The following MTUS1 variants were observed in gnomAD, a reference collection of about 807,000 sequenced individuals.
MTUS1 encodes microtubule associated scaffold protein 1, also known as microtubule-associated tumor suppressor 1.
In MTUS1, 109 loss-of-function variants were observed where a neutral mutation model predicts 120.8. The observed-to-expected ratio is 0.90, with a 90% confidence interval of 0.77 to 1.06. The LOEUF is 1.06. MTUS1 is among the 50% of genes least tolerant of loss of function. The probability of loss-of-function intolerance (pLI) is 0.00; values close to 1 mark genes in which losing one functional copy is unlikely to be tolerated. For missense variants in MTUS1, 2,210 were observed against 1,486.3 expected (o/e 1.49, Z -8.01); for synonymous variants, 737 against 550.5 (o/e 1.34, Z -4.74).
intron 3 of MTUS1, among the ~76,000 whole-genome samples, chr8:17,724,468 G>C (rs2046077931): frequency 6.6e-6 from 1 of 151,968 alleles, no homozygotes; most frequent in South Asian, 2.1e-4. Context: ...TCTAACACCA[G>C]GTGGTGCTAT....
intron 7 of MTUS1, among the ~76,000 whole-genome samples, chr8:17,679,277 A>G (rs1813773258): frequency 6.6e-6 from 1 of 152,068 alleles, no homozygotes; most frequent in South Asian, 2.1e-4. Flanking sequence ...TATATCATGT[A>G]TATAAAAAAC....
intron 8 of MTUS1, among the ~76,000 whole-genome samples, chr8:17,656,922 G>A (rs1808400395): frequency 1.3e-5 from 2 of 151,670 alleles, no homozygotes; most frequent in Admixed American, 6.6e-5. Flanking sequence ...AGCCGGGTGT[G>A]GTGGTGGGCG....
At chr8:17,752,060 A>G (rs556679352) in intron 2 of MTUS1, among the ~76,000 whole-genome samples, 1 of 152,258 alleles carries the variant, frequency 6.6e-6, no homozygotes, top group East Asian at 1.9e-4. Context: ...TTTCAACCTG[A>G]TGATTCTATC....
intron 4 of MTUS1, among the ~76,000 whole-genome samples, chr8:17,716,314 T>C (rs779522128): frequency 6.6e-6 from 1 of 152,144 alleles, no homozygotes; most frequent in Non-Finnish European, 1.5e-5. Context: ...AACAGTAACA[T>C]ACAGACTCCT....
chr8:17,675,136 G>C (rs1184450638), intron 8 of MTUS1, 50 bp downstream of exon 8: 2 of 1,608,478 alleles, frequency 1.2e-6, no homozygotes, highest in African/African-American at 2.7e-5. Flanking sequence ...ACATTTTCCA[G>C]TGTTCCCCTT....
At chr8:17,684,164 C>T (rs1418314875) in intron 7 of MTUS1, among the ~76,000 whole-genome samples, 164 bp downstream of exon 7, 1 of 152,132 alleles carries the variant, frequency 6.6e-6, no homozygotes, top group African/African-American at 2.4e-5. Context: ...TTGCTAGAGA[C>T]CGACTCAAGT....
At chr8:17,732,151 G>A (rs1039882370) in intron 3 of MTUS1, among the ~76,000 whole-genome samples, 2 of 152,260 alleles carry the variant, frequency 1.3e-5, no homozygotes, top group Middle Eastern at 3.4e-3. Flanking sequence ...TATTTTAACT[G>A]AAAAGCCAAT....
At chr8:17,736,880 T>TGGC (rs1211332896) in intron 3 of MTUS1, among the ~76,000 whole-genome samples, 2 of 152,126 alleles carry the variant, frequency 1.3e-5, no homozygotes, top group Non-Finnish European at 2.9e-5. Context: ...CCACCATGTT[T>TGGC]GGCTCTTTCT....
At chr8:17,681,715 A>G (rs1160611464) in intron 7 of MTUS1, 1 of 154,768 alleles carries the variant, frequency 6.5e-6, no homozygotes, top group African/African-American at 2.4e-5. Flanking sequence ...GCATCTGGGC[A>G]TGATAATAAC....
chr8:17,759,337 T>G (rs898759695), intron 1 of MTUS1, among the ~76,000 whole-genome samples: 50 of 150,010 alleles, frequency 3.3e-4, no homozygotes, highest in African/African-American at 1.2e-3. Flanking sequence ...GATTACAGCT[T>G]ACTGCAGCCT....
chr8:17,666,014 C>T (rs1164714483), intron 8 of MTUS1, among the ~76,000 whole-genome samples: 1 of 152,036 alleles, frequency 6.6e-6, no homozygotes, highest in Non-Finnish European at 1.5e-5. Flanking sequence ...CCTCCTCCCA[C>T]CCTTGAAGAG....
chr8:17,764,149 A>G (rs1312788012), intron 1 of MTUS1, among the ~76,000 whole-genome samples: 1 of 152,230 alleles, frequency 6.6e-6, no homozygotes, highest in African/African-American at 2.4e-5. Flanking sequence ...GAAGAGAACA[A>G]CAGTTAAGAA....
chr8:17,781,603 C>G (rs1422556583), intron 1 of MTUS1, among the ~76,000 whole-genome samples: 1 of 152,178 alleles, frequency 6.6e-6, no homozygotes, highest in East Asian at 1.9e-4. Context: ...TATTTACTTT[C>G]ATTTCTAAAA....
intron 8 of MTUS1, among the ~76,000 whole-genome samples, chr8:17,671,855 A>G (rs1356236638): frequency 6.6e-6 from 1 of 152,158 alleles, no homozygotes; most frequent in African/African-American, 2.4e-5. Context: ...TGACGGCGAT[A>G]GTGGCAGCTC....
chr8:17,657,557 G>A (rs1563148606), intron 8 of MTUS1, among the ~76,000 whole-genome samples: 1 of 148,478 alleles, frequency 6.7e-6, no homozygotes, highest in East Asian at 2.0e-4. Flanking sequence ...GACAGAGAGA[G>A]ACTCCGTCTC....
chr8:17,652,194 G>C (rs1010653706), intron 12 of MTUS1, among the ~76,000 whole-genome samples: 1 of 152,204 alleles, frequency 6.6e-6, no homozygotes, highest in South Asian at 2.1e-4. Context: ...AAAGACAAAG[G>C]TTGGGGTAAG....
At chr8:17,765,041 T>C (rs2049362094) in intron 1 of MTUS1, among the ~76,000 whole-genome samples, 1 of 152,230 alleles carries the variant, frequency 6.6e-6, no homozygotes, top group Non-Finnish European at 1.5e-5. Flanking sequence ...CAGTCCCATC[T>C]GGAAGTGATG....
At chr8:17,795,586 T>G (rs1460549492) in intron 1 of MTUS1, among the ~76,000 whole-genome samples, 2 of 151,304 alleles carry the variant, frequency 1.3e-5, no homozygotes, top group Non-Finnish European at 2.9e-5. Context: ...AGAATGAGGG[T>G]AAAATGTGTG....
At chr8:17,745,767 G>C (rs577018945) in intron 2 of MTUS1, among the ~76,000 whole-genome samples, 2 of 152,226 alleles carry the variant, frequency 1.3e-5, no homozygotes, top group African/African-American at 2.4e-5. Flanking sequence ...CCTTCTACCT[G>C]TCCGGTTATT....
Sources: gnomAD v4.1 joint callset for allele counts (sites outside exome capture counted in the v4.1 genomes callset) on GRCh38, gnomAD v4.1.1 for gene constraint, MANE v1.5 for transcripts, NCBI Gene and HGNC (gene_info 2026-07-23, HGNC 2026-07-21) for gene names.